ZNF727: variants seen among roughly 807,000 people sequenced by gnomAD.
ZNF727 encodes putative zinc finger protein 727.
A neutral mutation model predicts 11.5 loss-of-function variants in ZNF727; 11 were observed. That is an observed-to-expected ratio of 0.95 (90% CI 0.60 to 1.58). The LOEUF (loss-of-function observed/expected upper bound fraction) is 1.58, where lower values mean the gene tolerates loss of function less well. ZNF727 is among the 40% of genes most tolerant of loss of function. The pLI is 0.00. For synonymous variants in ZNF727, 171 were observed against 196.1 expected, an observed-to-expected ratio of 0.87 and a Z score of 1.07; for missense variants, 533 against 581.7, an observed-to-expected ratio of 0.92 and a Z score of 0.86.
chr7:64,045,747 A>C (rs748173291), intron 1 of ZNF727, 123 bp downstream of exon 1: 7 of 1,285,182 alleles, frequency 5.4e-6, no homozygotes, highest in Non-Finnish European at 7.6e-6. Flanking sequence ...CCCCGTGGGC[A>C]CAGTTCAGTC....
At chr7:64,072,698 C>A (rs1265906477) in intron 3 of ZNF727, among the ~76,000 whole-genome samples, 1 of 152,128 alleles carries the variant, frequency 6.6e-6, no homozygotes, top group East Asian at 1.9e-4. Flanking sequence ...TATAGAGTCA[C>A]TGCAGAATTT....
In ZNF727 at chr7:64,083,860, G is replaced by GT. The variant is rs374357544; in HGVS notation, c.*5312dup. Among the ~76,000 whole-genome samples the GT allele has an allele frequency of 2.1e-3, 315 of 152,300 alleles. 2 individuals carry two copies. The highest frequency in any genetic ancestry group is 7.0e-3 in the African/African-American group (291 of 41,562). ...CCTGGATGTTTCAGTTGAAGGTGCT[G>GT]TATCTATGCACACCTTGCATTCTTC... On this transcript the variant is annotated 3_prime_UTR_variant, in exon 4 of 4. Transcript: ENST00000456806.
Position 64,078,360 on chromosome 7 carries a change from A to G in ZNF727, c.1311A>G (p.Pro437=). 2 of 1,582,214 alleles carry G rather than the reference A, an allele frequency of 1.3e-6. No homozygotes were observed. Among genetic ancestry groups the G allele is most frequent in the Non-Finnish European group, 1.7e-6 (2 of 1,163,728 alleles). ...GTGGCAAAACCTTTAAGTGGTTCCC[A>G]GACCTGACTAATCATAAGAGAATTC... ...EECGKTFKWF[P]DLTNHKRIHT... Residue 437 remains proline (P), a synonymous_variant, in exon 4 of 4, where the codon CCA becomes CCG. Coordinates refer to ENST00000456806, the MANE Select transcript of ZNF727 (RefSeq NM_001159522.3).
In ZNF727 at chr7:64,045,548, G is replaced by A; in HGVS notation, c.-74G>A. 6.5e-7 allele frequency: 1 copy of A among 1,544,692 alleles called. No individual in the cohort carries two copies. Among genetic ancestry groups the A allele is most frequent in the Non-Finnish European group, 8.8e-7 (1 of 1,140,586 alleles). Reference sequence around the variant, plus strand: ...TTAGCTCCTCGGTGACTCCACCATAGCCCCTGTTATCCTGTGACCTGCAGG... The same window carrying A: ...TTAGCTCCTCGGTGACTCCACCATAACCCCTGTTATCCTGTGACCTGCAGG... On this transcript the variant is annotated 5_prime_UTR_variant, in exon 1 of 4. Transcript: ENST00000456806.
chr7:64,063,495 A>G (rs529095446), intron 1 of ZNF727, among the ~76,000 whole-genome samples: 2,761 of 151,884 alleles, frequency 0.018, 42 homozygotes, highest in Middle Eastern at 0.065. Context: ...CTCTCTCTGC[A>G]TGCTGAGCTG....
intron 3 of ZNF727, among the ~76,000 whole-genome samples, chr7:64,071,347 C>T (rs939188797): frequency 6.6e-6 from 1 of 152,036 alleles, no homozygotes; most frequent in Non-Finnish European, 1.5e-5. Flanking sequence ...ATTTAATTTG[C>T]ATCTGCCAGA....
rs1174919647 is a variant in ZNF727, at chr7:64,081,620, G to A, written c.*3071G>A. ...CCCACCAGTGCAGATGCTATGGTAT[G>A]GGCTCCTAGGGTACCTGAGACTGCC... On this transcript the variant is annotated 3_prime_UTR_variant, in exon 4 of 4. Coordinates refer to ENST00000456806, the MANE Select transcript of ZNF727 (RefSeq NM_001159522.3). Among the ~76,000 whole-genome samples, 1 of 152,110 alleles carries A rather than the reference G, an allele frequency of 6.6e-6. No homozygotes were observed. Among genetic ancestry groups the A allele is most frequent in the Non-Finnish European group, 1.5e-5 (1 of 68,010 alleles).
At chr7:64,051,522 G>C (rs1398763461) in intron 1 of ZNF727, among the ~76,000 whole-genome samples, 2 of 152,100 alleles carry the variant, frequency 1.3e-5, no homozygotes, top group Non-Finnish European at 2.9e-5. Context: ...AAGATCAAGA[G>C]TAATAATAAA....
intron 1 of ZNF727, among the ~76,000 whole-genome samples, chr7:64,061,811 TATC>T (rs1166729543): frequency 6.6e-6 from 1 of 152,070 alleles, no homozygotes; most frequent in African/African-American, 2.4e-5. Flanking sequence ...AAAGATGATT[TATC>T]TAGTGGTGTG....
chr7:64,049,648 T>A (rs1303820624), intron 1 of ZNF727, among the ~76,000 whole-genome samples: 1 of 151,794 alleles, frequency 6.6e-6, no homozygotes, highest in Non-Finnish European at 1.5e-5. Flanking sequence ...GAAACATTTT[T>A]AATGTGGAAT....
chr7:64,067,892 CT>C (rs200460998), intron 1 of ZNF727, among the ~76,000 whole-genome samples: 4,566 of 87,588 alleles, frequency 0.052, 81 homozygotes, highest in Admixed American at 0.1. Context: ...TATCCCAGAA[CT>C]TAAAGCTTTT....
At chr7:64,075,496 A>G (rs1462122222) in intron 3 of ZNF727, among the ~76,000 whole-genome samples, 1 of 152,020 alleles carries the variant, frequency 6.6e-6, no homozygotes, top group Non-Finnish European at 1.5e-5. Flanking sequence ...CTAGTTGCCT[A>G]TCAGTGGTGG....
In ZNF727 at chr7:64,077,441, A is replaced by G. The variant is rs1056220660; in HGVS notation, c.392A>G (p.Asn131Ser). The change falls in exon 4 of 4, where the codon AAT becomes AGT. Residue 131 changes from asparagine (N) to serine (S), a missense_variant. Asn to Ser is a conservative substitution (Grantham distance 46). Transcript: ENST00000456806. Reference sequence around the variant, plus strand: ...TGCAAGGGGCAGAAAAGCAGTTATAATGGCATTCATCAATGTTTGTCAGCT... The same window carrying G: ...TGCAAGGGGCAGAAAAGCAGTTATAGTGGCATTCATCAATGTTTGTCAGCT... Reference protein sequence around the residue: ...GNCKGQKSSYNGIHQCLSATR... With the variant: ...GNCKGQKSSYSGIHQCLSATR... 4.0e-5 allele frequency: 62 copies of G among 1,551,848 alleles called. No individual in the cohort carries two copies. The highest frequency in any genetic ancestry group is 3.3e-4 in the Middle Eastern group (2 of 6,012).
Position 64,078,291 on chromosome 7 carries a change from C to G in ZNF727, c.1242C>G (p.His414Gln), listed in dbSNP as rs1562799047. ...CCTGCTCCTCAAACCTTATTAAACA[C>G]AAGAGAATTCATATGGAAGTGAGAC... is the stretch of plus-strand genomic sequence containing the variant. ...SFTCSSNLIK[H>Q]KRIHMEVRPY... is the part of the protein sequence containing the mutation. Residue 414 changes from histidine to glutamine, a missense_variant, in exon 4 of 4, where the codon CAC (histidine) becomes CAG (glutamine). His to Gln is a conservative substitution (Grantham distance 24). This residue lies in a region of ZNF727 where 463 missense variants were observed against 494.5 expected (regional missense o/e 0.94). Transcript: ENST00000456806. The G allele has an allele frequency of 1.3e-6, 2 of 1,587,526 alleles. No homozygotes were observed. Among genetic ancestry groups the G allele is most frequent in the African/African-American group, 2.7e-5 (2 of 73,898 alleles).
chr7:64,078,442 T>C lies in ZNF727; in HGVS notation c.1393T>C (p.Ser465Pro). 6.3e-7 allele frequency: 1 copy of C among 1,581,158 alleles called. No individual in the cohort carries two copies. The highest frequency in any genetic ancestry group is 8.6e-7 in the Non-Finnish European group (1 of 1,163,188). ...ATGTGGCAAAACCTTTACCTGCTCC[T>C]CAAGCCTTATTAAACACAAGAGAAG... The part of the protein sequence containing the change: ...EECGKTFTCS[S>P]SLIKHKRSHT... Residue 465 changes from serine to proline, a missense_variant, in exon 4 of 4, where the codon TCA (serine) becomes CCA (proline). Ser to Pro is a moderately conservative substitution (Grantham distance 74). Around this residue, in one of 3 missense-constraint regions of ZNF727, gnomAD observed 54 missense variants for 48.6 expected, o/e 1.11. Transcript: ENST00000456806.
At chr7:64,047,270 A>C (rs932410128) in intron 1 of ZNF727, among the ~76,000 whole-genome samples, 3 of 152,212 alleles carry the variant, frequency 2.0e-5, no homozygotes, top group African/African-American at 7.2e-5. Flanking sequence ...TGTCCAGATC[A>C]CATTATCAAC....
intron 1 of ZNF727, among the ~76,000 whole-genome samples, chr7:64,046,904 A>C (rs1471526752): frequency 6.6e-6 from 1 of 151,980 alleles, no homozygotes; most frequent in Non-Finnish European, 1.5e-5. Flanking sequence ...ATTTGCACCC[A>C]TCCGGTGGAA....
In ZNF727 at chr7:64,068,935, A is replaced by G. The variant is rs1789914552; in HGVS notation, c.48A>G (p.Glu16=). The G allele has an allele frequency of 6.2e-7, 1 of 1,605,722 alleles. No homozygotes were observed. The highest frequency in any genetic ancestry group is 1.1e-5 in the South Asian group (1 of 90,326). Residue 16 remains glutamate, a synonymous_variant, in exon 2 of 4, where the codon GAA becomes GAG. Coordinates refer to ENST00000456806, the MANE Select transcript of ZNF727 (RefSeq NM_001159522.3). ...FRDVAVEFSP[E]EWECLDSAQQ... ...ATGTGGCTGTAGAATTCTCCCCAGA[A>G]GAGTGGGAATGCCTGGACTCTGCTC...
chr7:64,064,296 A>C (rs567193329), intron 1 of ZNF727, among the ~76,000 whole-genome samples: 21 of 152,148 alleles, frequency 1.4e-4, no homozygotes, highest in African/African-American at 5.1e-4. Flanking sequence ...ATGTTTATTC[A>C]AGGTCGAAGG....
Sources: gnomAD v4.1 joint callset for allele counts (sites outside exome capture counted in the v4.1 genomes callset) on GRCh38, gnomAD v4.1.1 for gene constraint, gnomAD v4.1.1 regional missense constraint, MANE v1.5 for transcripts, NCBI Gene and HGNC (gene_info 2026-07-23, HGNC 2026-07-21) for gene names.